CAMTA1: variants seen among roughly 807,000 people sequenced by gnomAD.
CAMTA1 encodes calmodulin binding transcription activator 1, also known as calmodulin-binding transcription activator 1.
Under a neutral mutation model 170.9 loss-of-function variants are expected in CAMTA1, and 27 were observed. The observed-to-expected ratio is 0.16, with a 90% CI of 0.12 to 0.22. The LOEUF (loss-of-function observed/expected upper bound fraction) is 0.22, where lower values mean the gene tolerates loss of function less well. Ranked by LOEUF, CAMTA1 falls within the 10% of genes least tolerant of loss-of-function variation. The pLI is 1.00. For synonymous variants in CAMTA1, 833 were observed against 891.5 expected (o/e 0.93, Z 1.17); for missense variants, 1,619 against 2,217.2 (o/e 0.73, Z 5.42).
chr1:7,524,951 C>T (rs545719878), intron 6 of CAMTA1, among the ~76,000 whole-genome samples: 1 of 152,328 alleles, frequency 6.6e-6, no homozygotes, highest in Admixed American at 6.5e-5. Flanking sequence ...GGACCATTCA[C>T]ACATTCACAT....
At chr1:6,938,281 A>G (rs549968141) in intron 3 of CAMTA1, among the ~76,000 whole-genome samples, 80 of 152,114 alleles carry the variant, frequency 5.3e-4, no homozygotes, top group Admixed American at 1.0e-3. Flanking sequence ...GCAAATGGGG[A>G]GAGAGGTACC....
chr1:6,915,938 C>T (rs1220480217), intron 3 of CAMTA1, among the ~76,000 whole-genome samples: 3 of 152,182 alleles, frequency 2.0e-5, no homozygotes, highest in Non-Finnish European at 4.4e-5. Flanking sequence ...CCCCTGGGGT[C>T]TGTGCATTAG....
At chr1:7,254,312 AC>A (rs1558313285) in intron 5 of CAMTA1, among the ~76,000 whole-genome samples, 1 of 151,050 alleles carries the variant, frequency 6.6e-6, no homozygotes, top group Non-Finnish European at 1.5e-5. Context: ...TGCCTTTGGA[AC>A]CAGTGGGTGG....
At chr1:6,803,232 C>T (rs919328803) in intron 1 of CAMTA1, among the ~76,000 whole-genome samples, 2 of 152,076 alleles carry the variant, frequency 1.3e-5, no homozygotes, top group Admixed American at 6.6e-5. Context: ...TGTTTTGGGT[C>T]GGTAAACATA....
chr1:7,446,128 A>G (rs1188402832), intron 5 of CAMTA1, among the ~76,000 whole-genome samples: 4 of 151,482 alleles, frequency 2.6e-5, no homozygotes, highest in Non-Finnish European at 5.9e-5. Context: ...GTTAAGTTTT[A>G]CTGAGAAAAG....
chr1:7,445,710 G>A (rs1352329624), intron 5 of CAMTA1, among the ~76,000 whole-genome samples: 1 of 152,270 alleles, frequency 6.6e-6, no homozygotes, highest in Non-Finnish European at 1.5e-5. Context: ...TGGTAGAAGA[G>A]TCTGGAACTC....
At chr1:6,942,103 T>G (rs1686751328) in intron 3 of CAMTA1, among the ~76,000 whole-genome samples, 1 of 151,994 alleles carries the variant, frequency 6.6e-6, no homozygotes, top group African/African-American at 2.4e-5. Context: ...AAATCTCATT[T>G]TACAAATGGT....
At chr1:7,712,185 A>G (rs2096575909) in intron 11 of CAMTA1, among the ~76,000 whole-genome samples, 1 of 152,232 alleles carries the variant, frequency 6.6e-6, no homozygotes, top group South Asian at 2.1e-4. Context: ...TTTGGTGAAG[A>G]TTCTTAATTC....
At chr1:7,397,615 T>A (rs1001959061) in intron 5 of CAMTA1, among the ~76,000 whole-genome samples, 7 of 152,110 alleles carry the variant, frequency 4.6e-5, no homozygotes, top group Non-Finnish European at 1.0e-4. Context: ...ATTTGAGATC[T>A]TTCTACTTTT....
At chr1:7,080,806 A>G (rs1238913942) in intron 3 of CAMTA1, among the ~76,000 whole-genome samples, 2 of 152,216 alleles carry the variant, frequency 1.3e-5, no homozygotes. Flanking sequence ...ATGTTTGGTT[A>G]TTTGAACAGA....
chr1:7,236,808 T>C (rs1411383607), intron 4 of CAMTA1, among the ~76,000 whole-genome samples: 1 of 152,228 alleles, frequency 6.6e-6, no homozygotes, highest in African/African-American at 2.4e-5. Flanking sequence ...TGCATGGAAA[T>C]CAGGCCATTC....
intron 1 of CAMTA1, among the ~76,000 whole-genome samples, chr1:6,795,137 A>T (rs1018913280): frequency 3.3e-5 from 5 of 152,108 alleles, no homozygotes; most frequent in Non-Finnish European, 7.3e-5. Flanking sequence ...TTATTTAGAG[A>T]CACAACTAGT....
chr1:7,738,325 C>A lies in CAMTA1; in HGVS notation c.4025C>A (p.Thr1342Asn), dbSNP rs1307009396. The A allele has an allele frequency of 6.2e-7, 1 of 1,614,112 alleles. No homozygotes were observed. Among genetic ancestry groups the A allele is most frequent in the East Asian group, 2.2e-5 (1 of 44,892 alleles). ...TVQVTGNPKG[T>N]SVGKEAAPSQ... Reference sequence around the variant, plus strand: ...CAGGTGACTGGAAATCCGAAGGGGACCAGTGTAGGAAAGGAGGCAGCACCT... The same window carrying A: ...CAGGTGACTGGAAATCCGAAGGGGAACAGTGTAGGAAAGGAGGCAGCACCT... The change falls in exon 16 of 23, where the codon ACC becomes AAC. Residue 1342 changes from threonine (T) to asparagine (N), a missense_variant. Transcript: ENST00000303635. The surrounding 1 kb of genome is among the most constrained non-coding windows in gnomAD (Gnocchi z 4.9).
chr1:7,383,188 A>G (rs1290043377), intron 5 of CAMTA1, among the ~76,000 whole-genome samples: 1 of 152,206 alleles, frequency 6.6e-6, no homozygotes, highest in Non-Finnish European at 1.5e-5. Context: ...TTCCTACGCC[A>G]TCAACACACT....
chr1:6,807,986 G>A (rs573675815), intron 1 of CAMTA1, among the ~76,000 whole-genome samples: 15 of 151,800 alleles, frequency 9.9e-5, no homozygotes, highest in Middle Eastern at 3.4e-3. Context: ...AAAGACTTCC[G>A]GGAGGAGGTG....
chr1:7,476,412 C>T (rs2093420626), intron 6 of CAMTA1, among the ~76,000 whole-genome samples: 2 of 152,152 alleles, frequency 1.3e-5, no homozygotes, highest in South Asian at 2.1e-4. Context: ...GGGAGGCTTC[C>T]TGGAGGAGGT....
chr1:7,687,473 G>T (rs1200057363), intron 11 of CAMTA1, among the ~76,000 whole-genome samples: 1 of 152,036 alleles, frequency 6.6e-6, no homozygotes, highest in Non-Finnish European at 1.5e-5. Flanking sequence ...AGGTGACACG[G>T]CACCATACCT....
intron 20 of CAMTA1, among the ~76,000 whole-genome samples, 160 bp downstream of exon 20, chr1:7,751,552 C>T (rs865798593): frequency 1.3e-5 from 2 of 152,300 alleles, no homozygotes; most frequent in South Asian, 4.1e-4. Context: ...CTGATAAGTA[C>T]ACCTGTGCTG....
At position 7,188,369 on chromosome 1, in the gene CAMTA1, T is replaced by C. The variant is rs148742202; in HGVS notation, c.303-61122T>C. Among the ~76,000 whole-genome samples the C allele has an allele frequency of 4.2e-3, 647 of 152,378 alleles. 1 individual carries two copies. Among genetic ancestry groups the C allele is most frequent in the Middle Eastern group, 0.037 (11 of 294 alleles). ...TTTCCACTGTACCATTCAGTGACAT[T>C]AAGTATGCTCATATTGTTGTTCGAC... is the stretch of plus-strand genomic sequence containing the variant. On this transcript the variant is annotated intron_variant, in intron 4 of 22. Transcript: ENST00000303635.
Sources: allele counts gnomAD v4.1 joint callset (sites outside exome capture counted in the v4.1 genomes callset), GRCh38; gene constraint gnomAD v4.1.1; non-coding constraint Gnocchi (gnomAD v3.1); transcripts MANE v1.5; gene names NCBI Gene and HGNC (gene_info 2026-07-23, HGNC 2026-07-21).